Variants in LMAN1L observed in about 807,000 individuals in gnomAD.
LMAN1L encodes the protein lectin, mannose binding 1 like.
LMAN1L carries 60 observed loss-of-function variants against 58.3 expected under a neutral mutation model. The ratio of observed to expected loss-of-function variants is 1.03; its 90% CI spans 0.84 to 1.27. LMAN1L has a LOEUF of 1.27. Among genes scored for constraint, LMAN1L ranks in the 50% most tolerant of loss-of-function variants. The probability of loss-of-function intolerance (pLI) is 0.00; values close to 1 mark genes in which losing one functional copy is unlikely to be tolerated. For synonymous variants in LMAN1L, 280 were observed against 271.6 expected (o/e 1.03, Z -0.31); for missense variants, 629 against 674.0 (o/e 0.93, Z 0.74).
At chr15:74,817,318 G>T (rs1054985778) in intron 4 of LMAN1L, among the ~76,000 whole-genome samples, 4 of 152,152 alleles carry the variant, frequency 2.6e-5, no homozygotes, top group African/African-American at 9.7e-5. Context: ...TTATGAGGTC[G>T]TTCCAATTAC....
chr15:74,820,745 A>G lies in LMAN1L; in HGVS notation c.885A>G (p.Ser295=). Residue 295 remains serine, a synonymous_variant, in exon 8 of 14, where the codon TCA becomes TCG. Transcript: ENST00000309664. ...CCAGGGAGGATGTAACTCCAAAATCAGACTCTGAAGCTCAAGGAGAAGGTA... is the reference window on the plus strand; with the variant it reads ...CCAGGGAGGATGTAACTCCAAAATCGGACTCTGAAGCTCAAGGAGAAGGTA... ...LGTREDVTPK[S]DSEAQGEGER... is the part of the protein sequence containing the mutation. 2 of 1,613,240 alleles carry G rather than the reference A, an allele frequency of 1.2e-6. No individual in the cohort carries two copies. Among genetic ancestry groups the G allele is most frequent in the Non-Finnish European group, 1.7e-6 (2 of 1,179,790 alleles).
In LMAN1L at chr15:74,825,681, G is replaced by A. The variant is rs549671307; in HGVS notation, c.*76G>A. 1,911 of 1,487,732 alleles carry A rather than the reference G, an allele frequency of 1.3e-3. 42 individuals carry two copies. The South Asian group carries it at 0.021, about 17-fold the overall frequency. The allele number at this position is 1,487,732 out of a possible 1,614,324, so 92.2% of individuals were successfully genotyped here. Reference sequence around the variant, plus strand: ...TGGGGGCTTGGTCAGTATCCTCTCCGTCTGGGTGCCCAGCTCCCACGCACA... The same window carrying A: ...TGGGGGCTTGGTCAGTATCCTCTCCATCTGGGTGCCCAGCTCCCACGCACA... On this transcript the variant is annotated 3_prime_UTR_variant, in exon 14 of 14. Coordinates refer to ENST00000309664, the MANE Select transcript of LMAN1L (RefSeq NM_021819.3).
In LMAN1L at chr15:74,818,768, G is replaced by A. The variant is rs749350591; in HGVS notation, c.548G>A (p.Arg183Gln). The A allele has an allele frequency of 1.7e-5, 27 of 1,611,954 alleles. 2 individuals carry two copies. The Middle Eastern group carries it at 4.9e-4, about 29-fold the overall frequency. ...TCCTGTCATTGGGACTTCCGGAACCGGCCACACCCCTTCAGAGCACGGATC... is the reference window on the plus strand; with the variant it reads ...TCCTGTCATTGGGACTTCCGGAACCAGCCACACCCCTTCAGAGCACGGATC... ...LGSCHWDFRN[R>Q]PHPFRARITY... Residue 183 changes from arginine to glutamine, a missense_variant, in exon 5 of 14, where the codon CGG becomes CAG. Physicochemically the swap from Arg to Gln is conservative, Grantham distance 43. Around this residue, in one of 3 missense-constraint regions of LMAN1L, gnomAD observed 573 missense variants for 597.3 expected, o/e 0.96. Coordinates refer to ENST00000309664, the MANE Select transcript of LMAN1L (RefSeq NM_021819.3).
intron 4 of LMAN1L, among the ~76,000 whole-genome samples, chr15:74,816,928 C>A (rs770437950): frequency 1.3e-5 from 2 of 152,194 alleles, no homozygotes; most frequent in Non-Finnish European, 2.9e-5. Context: ...TCTTTGCTCC[C>A]ATGATCTCAT....
chr15:74,823,788 T>G, intron 12 of LMAN1L, 106 bp downstream of exon 12: 2 of 1,382,784 alleles, frequency 1.4e-6, no homozygotes, highest in African/African-American at 1.4e-5. Flanking sequence ...GCCTTTGCCC[T>G]CCCCTCCCAG....
intron 1 of LMAN1L, among the ~76,000 whole-genome samples, chr15:74,815,380 C>T (rs998187547): frequency 5.9e-5 from 9 of 152,196 alleles, no homozygotes; most frequent in Admixed American, 3.9e-4. Flanking sequence ...GGAGCGAGCT[C>T]GAGTAGGGCC....
intron 5 of LMAN1L, 96 bp downstream of exon 5, chr15:74,818,913 C>T (rs1046238678): frequency 2.6e-6 from 3 of 1,153,572 alleles, no homozygotes; most frequent in Admixed American, 2.4e-5. Context: ...TGTGACACCA[C>T]GTGAGGTCCC....
rs189371115 is a variant in LMAN1L at position 74,815,817 on chromosome 15, T to C, written c.176-340T>C. 1.8e-3 allele frequency among the ~76,000 whole-genome samples: 269 copies of C among 152,262 alleles called. 2 individuals are homozygous for C. Among genetic ancestry groups the C allele is most frequent in the African/African-American group, 6.4e-3 (266 of 41,536 alleles). On this transcript the variant is annotated intron_variant, in intron 1 of 13. Transcript: ENST00000309664. Reference sequence around the variant, plus strand: ...GGTGGAAAAAGCTTGTGCTTTGGAGTCATATGGAGCTGAATTCCATCCAAT... The same window carrying C: ...GGTGGAAAAAGCTTGTGCTTTGGAGCCATATGGAGCTGAATTCCATCCAAT...
At chr15:74,819,000 A>G in intron 5 of LMAN1L, 152 bp from the exon 6 acceptor site, 4 of 1,039,698 alleles carry the variant, frequency 3.8e-6, no homozygotes, top group Admixed American at 2.3e-5. Flanking sequence ...GAGCACATAC[A>G]TGTAAGGGCT....
Position 74,812,959 on chromosome 15 carries a change from C to G in LMAN1L, c.105C>G (p.Tyr35Ter). The change falls in exon 1 of 14, where the codon TAC (tyrosine) becomes TAG (stop). Residue 35 changes from tyrosine (Y) to a stop codon, truncating the protein, a stop_gained. Transcript: ENST00000309664. LOFTEE classifies it high-confidence loss of function. ...TGCPPLRRFE[Y>*]KLSFKGPRLA... is the part of the protein sequence containing the mutation. ...GTCCTCCTCTACGCAGGTTTGAGTA[C>G]AAGCTCAGCTTCAAAGGCCCAAGGC... 1 of 1,614,144 alleles carries G rather than the reference C, an allele frequency of 6.2e-7. No individual in the cohort carries two copies. The highest frequency in any genetic ancestry group is 8.5e-7 in the Non-Finnish European group (1 of 1,180,010).
rs377190268 is a variant in LMAN1L at position 74,821,222 on chromosome 15, G to T, written c.1055G>T (p.Gly352Val). The stretch of plus-strand genomic sequence containing the variant: ...CCAGGCCAAGCCAGGCCTGACGGAG[G>T]CTGGGTGAGAAGCCCTACAGGCATC... ...GPPGQARPDG[G>V]WALDASCQIP... Residue 352 changes from glycine to valine, a missense_variant, in exon 9 of 14, where the codon GGC (glycine) becomes GTC (valine). By Grantham distance (109) the Gly-to-Val change is moderately radical. Coordinates refer to ENST00000309664, the MANE Select transcript of LMAN1L (RefSeq NM_021819.3). 7 of 1,549,110 alleles carry T rather than the reference G, an allele frequency of 4.5e-6. No homozygotes were observed. The highest frequency in any genetic ancestry group is 6.1e-6 in the Non-Finnish European group (7 of 1,147,008).
intron 6 of LMAN1L, 35 bp from the exon 7 acceptor site, chr15:74,820,009 G>A (rs1180781638): frequency 3.8e-6 from 6 of 1,596,976 alleles, no homozygotes; most frequent in Non-Finnish European, 5.2e-6. Flanking sequence ...GCTGGGTGGA[G>A]GGGTCTTACT....
intron 1 of LMAN1L, among the ~76,000 whole-genome samples, chr15:74,814,080 CCT>C (rs1231687362): frequency 6.7e-6 from 1 of 149,762 alleles, no homozygotes; most frequent in Non-Finnish European, 1.5e-5. Flanking sequence ...GAGCTGAGAT[CCT>C]GCCATTGCAC....
chr15:74,816,373 C>A, intron 2 of LMAN1L, 54 bp from the exon 3 acceptor site: 1 of 1,598,296 alleles, frequency 6.3e-7, no homozygotes, highest in Non-Finnish European at 8.5e-7. Flanking sequence ...TGATGAGCCC[C>A]GGGGTCCCAG....
At chr15:74,819,353 G>A (rs775406462) in intron 6 of LMAN1L, 81 bp downstream of exon 6, 2 of 1,527,658 alleles carry the variant, frequency 1.3e-6, no homozygotes, top group South Asian at 2.5e-5. Context: ...AAGAGCACTG[G>A]GGTGGCGTCA....
intron 4 of LMAN1L, 120 bp downstream of exon 4, chr15:74,816,810 A>G: frequency 1.0e-6 from 1 of 967,158 alleles, no homozygotes; most frequent in Non-Finnish European, 1.5e-6. Context: ...CCGGGCCGCC[A>G]TACTTGCTGG....
In LMAN1L at chr15:74,824,337, C is replaced by T. The variant is rs749250311; in HGVS notation, c.1324-14C>T. On this transcript the variant is annotated splice_polypyrimidine_tract_variant and intron_variant, in intron 12 of 13. Transcript: ENST00000309664. ...TAAGAAGCTAAGCTAGGACCTTAGA[C>T]TTTCCCCTTTCAGAAGGCAGCAGCC... is the stretch of plus-strand genomic sequence containing the variant. 1.9e-6 allele frequency: 3 copies of T among 1,613,366 alleles called. No homozygotes were observed. The highest frequency in any genetic ancestry group is 2.2e-5 in the East Asian group (1 of 44,880).
chr15:74,813,201 C>T lies in LMAN1L; in HGVS notation c.175+172C>T, dbSNP rs557381907. 1.3e-3 allele frequency: 923 copies of T among 693,150 alleles called. 5 individuals carry two copies. The highest frequency in any genetic ancestry group is 1.3e-3 in the Non-Finnish European group (534 of 397,870). The allele number at this position is 693,150 out of a possible 1,614,324, so 42.9% of individuals were successfully genotyped here. ...CTTCCAGGCTTGTCTCCTGCTCCAC[C>T]GCCTCAACACCCCCCACCCCTGCCC... On this transcript the variant is annotated intron_variant, in intron 1 of 13. Coordinates refer to ENST00000309664, the MANE Select transcript of LMAN1L (RefSeq NM_021819.3).
At chr15:74,820,882 C>T in intron 8 of LMAN1L, 115 bp downstream of exon 8, 3 of 1,422,250 alleles carry the variant, frequency 2.1e-6, no homozygotes, top group Non-Finnish European at 2.8e-6. Flanking sequence ...GAGGCCACAT[C>T]TAAGCAGGCC....
Sources: allele counts gnomAD v4.1 joint callset (sites outside exome capture counted in the v4.1 genomes callset), GRCh38; gene constraint gnomAD v4.1.1; regional missense constraint gnomAD v4.1.1; transcripts MANE v1.5; gene names NCBI Gene and HGNC (gene_info 2026-07-23, HGNC 2026-07-21).